The following CADM2 variants were observed in gnomAD, a reference collection of about 807,000 sequenced individuals.
CADM2 encodes the protein cell adhesion molecule 2, also known as immunoglobulin superfamily member 4D.
A neutral mutation model predicts 49.8 loss-of-function variants in CADM2; 12 were observed. The ratio of observed to expected loss-of-function variants is 0.24; its 90% CI spans 0.15 to 0.39. CADM2 has a LOEUF of 0.39. CADM2 is among the 10% of genes least tolerant of loss of function. The probability of loss-of-function intolerance (pLI) is 1.00; values close to 1 mark genes in which losing one functional copy is unlikely to be tolerated. For synonymous variants in CADM2, 214 were observed against 175.4 expected (o/e 1.22, Z -1.74); for missense variants, 378 against 492.3 (o/e 0.77, Z 2.20).
At chr3:85,817,107 C>G (rs60830268) in intron 3 of CADM2, among the ~76,000 whole-genome samples, 7,108 of 152,252 alleles carry the variant, frequency 0.047, 536 homozygotes, top group African/African-American at 0.16. Context: ...CAGCAGTAAG[C>G]AAGCATTTTG....
chr3:85,735,390 C>G (rs1240430406), intron 2 of CADM2, among the ~76,000 whole-genome samples: 1 of 152,046 alleles, frequency 6.6e-6, no homozygotes, highest in Non-Finnish European at 1.5e-5. Flanking sequence ...TTCAACAGCC[C>G]TGTAAGAATA....
intron 1 of CADM2, among the ~76,000 whole-genome samples, chr3:84,999,166 T>C (rs1335198633): frequency 6.6e-6 from 1 of 152,150 alleles, no homozygotes; most frequent in Non-Finnish European, 1.5e-5. Context: ...ATGTTAGCTT[T>C]ATGTAGGGAA....
intron 1 of CADM2, among the ~76,000 whole-genome samples, chr3:85,564,716 C>T (rs1181483701): frequency 6.6e-6 from 1 of 151,818 alleles, no homozygotes; most frequent in Non-Finnish European, 1.5e-5. Flanking sequence ...TTTTTTAATT[C>T]TATAATTAAA....
In CADM2 at chr3:85,515,425, C is replaced by T. The variant is rs115993857; in HGVS notation, c.62-211097C>T. The stretch of plus-strand genomic sequence containing the variant: ...TTTTCTTTTGTTTGTTTGTTTGTTT[C>T]TTTTTTTTTTTATTATTATATGGAG... On this transcript the variant is annotated intron_variant, in intron 1 of 9. Transcript: ENST00000383699. Among the ~76,000 whole-genome samples, 110 of 141,716 alleles carry T rather than the reference C, an allele frequency of 7.8e-4. 3 individuals carry two copies. Among genetic ancestry groups the T allele is most frequent in the Non-Finnish European group, 3.0e-4 (20 of 65,882 alleles). 93.0% of individuals were successfully genotyped at this position (141,716 alleles called of 152,430 possible). A position where few individuals can be genotyped will look rare whatever the true frequency, so the allele number is the denominator to read the frequency against.
intron 1 of CADM2, among the ~76,000 whole-genome samples, chr3:85,336,619 T>A (rs550184558): frequency 6.6e-6 from 1 of 151,116 alleles, no homozygotes; most frequent in African/African-American, 2.4e-5. Context: ...AACTAGAAAT[T>A]GTTATATTAA....
intron 2 of CADM2, among the ~76,000 whole-genome samples, chr3:85,755,435 T>C (rs11925878): frequency 0.053 from 7,847 of 148,534 alleles, 352 homozygotes; most frequent in East Asian, 0.19. Flanking sequence ...GTCAGCAAAC[T>C]GTTGTGTTCA....
chr3:85,178,642 A>G (rs1457845165), intron 1 of CADM2, among the ~76,000 whole-genome samples: 1 of 151,936 alleles, frequency 6.6e-6, no homozygotes, highest in Non-Finnish European at 1.5e-5. Context: ...AGAAAATTCA[A>G]GTTGTAGTAC....
chr3:85,647,909 T>G (rs1190464075), intron 1 of CADM2, among the ~76,000 whole-genome samples: 1 of 151,878 alleles, frequency 6.6e-6, no homozygotes, highest in East Asian at 1.9e-4. Flanking sequence ...TATCAATAGA[T>G]CCTTTCTGGG....
chr3:85,056,684 T>C (rs2036091759), intron 1 of CADM2, among the ~76,000 whole-genome samples: 1 of 152,096 alleles, frequency 6.6e-6, no homozygotes, highest in Non-Finnish European at 1.5e-5. Context: ...TGAAATGATA[T>C]ATGCAATATA....
chr3:85,244,250 T>C (rs1333690383), intron 1 of CADM2, among the ~76,000 whole-genome samples: 1 of 152,130 alleles, frequency 6.6e-6, no homozygotes, highest in Non-Finnish European at 1.5e-5. Context: ...AAAAACTCAA[T>C]AACACGCAAG....
intron 1 of CADM2, among the ~76,000 whole-genome samples, chr3:85,046,998 A>T (rs1162248386): frequency 1.3e-5 from 2 of 152,176 alleles, no homozygotes; most frequent in African/African-American, 4.8e-5. Context: ...ATAAGACATA[A>T]AAGGTTCTGC....
intron 1 of CADM2, among the ~76,000 whole-genome samples, chr3:85,480,146 A>G (rs1313117928): frequency 2.6e-5 from 4 of 151,842 alleles, no homozygotes; most frequent in Non-Finnish European, 1.5e-5. Flanking sequence ...ATAGGGAGAT[A>G]TATTATTTGA....
chr3:85,986,489 C>A (rs908303176), intron 8 of CADM2, among the ~76,000 whole-genome samples: 1 of 151,914 alleles, frequency 6.6e-6, no homozygotes. Context: ...TAATAAAACA[C>A]AATTTGCACA....
chr3:85,342,825 CAAG>C (rs1247442288), intron 1 of CADM2, among the ~76,000 whole-genome samples: 15 of 152,058 alleles, frequency 9.9e-5, no homozygotes, highest in African/African-American at 3.6e-4. Context: ...TTAACCCAAG[CAAG>C]AAGAGAGTCA....
intron 1 of CADM2, among the ~76,000 whole-genome samples, chr3:85,234,066 A>AT (rs1035291954): frequency 1.3e-5 from 2 of 152,002 alleles, no homozygotes; most frequent in African/African-American, 4.8e-5. Flanking sequence ...AGGTACTATT[A>AT]TTTTCCCTGT....
chr3:85,396,372 A>C (rs991169053), intron 1 of CADM2, among the ~76,000 whole-genome samples: 3 of 151,960 alleles, frequency 2.0e-5, no homozygotes, highest in Non-Finnish European at 4.4e-5. Context: ...TTCATGATAA[A>C]ATGATCATCA....
intron 1 of CADM2, among the ~76,000 whole-genome samples, chr3:85,024,660 G>C (rs1017957134): frequency 7.5e-5 from 10 of 134,162 alleles, no homozygotes; most frequent in African/African-American, 2.5e-4. Flanking sequence ...AGTAATTATA[G>C]TTTTTCTTTT....
At chr3:85,239,171 A>G (rs1283196789) in intron 1 of CADM2, among the ~76,000 whole-genome samples, 1 of 151,834 alleles carries the variant, frequency 6.6e-6, no homozygotes, top group Non-Finnish European at 1.5e-5. Context: ...ACAAGCATGG[A>G]GGAGGAATTT....
chr3:85,455,465 A>C (rs1325773069), intron 1 of CADM2, among the ~76,000 whole-genome samples: 2 of 152,198 alleles, frequency 1.3e-5, no homozygotes, highest in Non-Finnish European at 2.9e-5. Flanking sequence ...TTTTCCAGTA[A>C]AGAACATGTA....
Sources: gnomAD v4.1 joint callset for allele counts (sites outside exome capture counted in the v4.1 genomes callset) on GRCh38, gnomAD v4.1.1 for gene constraint, MANE v1.5 for transcripts, NCBI Gene and HGNC (gene_info 2026-07-23, HGNC 2026-07-21) for gene names.